SAMD4A: variants seen among roughly 807,000 people sequenced by gnomAD.
SAMD4A encodes protein Smaug homolog 1.
A neutral mutation model predicts 81.3 loss-of-function variants in SAMD4A; 33 were observed. The observed-to-expected ratio is 0.41, with a 90% confidence interval of 0.31 to 0.54. The LOEUF (loss-of-function observed/expected upper bound fraction) is 0.54, where lower values mean the gene tolerates loss of function less well. Ranked by LOEUF, SAMD4A falls within the 20% of genes least tolerant of loss-of-function variation. The pLI is 0.37. For missense variants in SAMD4A, 854 were observed against 951.1 expected (o/e 0.90, Z 1.34); for synonymous variants, 389 against 382.1 (o/e 1.02, Z -0.21).
At chr14:54,762,386 C>T (rs537641447) in intron 7 of SAMD4A, among the ~76,000 whole-genome samples, 95 of 152,284 alleles carry the variant, frequency 6.2e-4, no homozygotes, top group African/African-American at 2.2e-3. Context: ...CAACCCCCAC[C>T]CTTCCACCAC....
chr14:54,630,372 A>G (rs562350630), intron 2 of SAMD4A, among the ~76,000 whole-genome samples: 3 of 152,318 alleles, frequency 2.0e-5, no homozygotes, highest in South Asian at 4.1e-4. Flanking sequence ...AATAGTAGCC[A>G]TCCCAATGAA....
At chr14:54,718,967 C>T (rs1594854229) in intron 3 of SAMD4A, among the ~76,000 whole-genome samples, 2 of 150,594 alleles carry the variant, frequency 1.3e-5, no homozygotes, top group Non-Finnish European at 1.5e-5. Flanking sequence ...CATACCATTG[C>T]ACTCTAGCCT....
intron 2 of SAMD4A, among the ~76,000 whole-genome samples, chr14:54,626,069 CGCGCGCGAGT>C (rs1365693940): frequency 8.1e-5 from 9 of 110,780 alleles, no homozygotes; most frequent in African/African-American, 1.5e-4. Flanking sequence ...TGCGCGCGCG[CGCGCGCGAGT>C]GCGCACATGT....
chr14:54,624,004 G>A (rs1272660461), intron 2 of SAMD4A, among the ~76,000 whole-genome samples: 1 of 152,008 alleles, frequency 6.6e-6, no homozygotes, highest in Non-Finnish European at 1.5e-5. Context: ...TTGAGATGGA[G>A]TCTCACTCTT....
chr14:54,627,226 A>G (rs1415478121), intron 2 of SAMD4A, among the ~76,000 whole-genome samples: 1 of 152,176 alleles, frequency 6.6e-6, no homozygotes, highest in African/African-American at 2.4e-5. Flanking sequence ...GGTAAAAAGG[A>G]CAGAAAGTAA....
intron 2 of SAMD4A, among the ~76,000 whole-genome samples, chr14:54,605,431 A>C (rs1330424934): frequency 1.3e-5 from 2 of 152,222 alleles, no homozygotes; most frequent in Admixed American, 1.3e-4. Flanking sequence ...GAAGTTCCAA[A>C]GAGCCAAGAT....
intron 8 of SAMD4A, among the ~76,000 whole-genome samples, chr14:54,768,290 T>G (rs549653532): frequency 1.3e-5 from 2 of 152,326 alleles, no homozygotes; most frequent in African/African-American, 4.8e-5. Context: ...GTGTGACACC[T>G]GTGAGTGGCA....
At chr14:54,720,787 C>G (rs576965539) in intron 3 of SAMD4A, among the ~76,000 whole-genome samples, 1 of 152,216 alleles carries the variant, frequency 6.6e-6, no homozygotes, top group South Asian at 2.1e-4. Context: ...CCCCAAACCA[C>G]CAATTTCCAG....
At chr14:54,763,762 A>G (rs879894077) in intron 7 of SAMD4A, among the ~76,000 whole-genome samples, 1 of 152,122 alleles carries the variant, frequency 6.6e-6, no homozygotes, top group Non-Finnish European at 1.5e-5. Context: ...TCACCTCTAC[A>G]ATGAGACCAG....
chr14:54,755,184 AG>A (rs1174721565), intron 6 of SAMD4A, among the ~76,000 whole-genome samples: 1 of 152,138 alleles, frequency 6.6e-6, no homozygotes, highest in Admixed American at 6.5e-5. Context: ...GATCATTTAG[AG>A]GGAGTCTGGT....
intron 2 of SAMD4A, among the ~76,000 whole-genome samples, chr14:54,686,481 A>C (rs1375411505): frequency 1.3e-5 from 2 of 151,444 alleles, no homozygotes; most frequent in Non-Finnish European, 2.9e-5. Flanking sequence ...GCTGAATGTC[A>C]CTTACTTGGA....
intron 2 of SAMD4A, among the ~76,000 whole-genome samples, chr14:54,639,005 G>T (rs1237742399): frequency 3.9e-5 from 6 of 152,140 alleles, no homozygotes; most frequent in Admixed American, 1.3e-4. Flanking sequence ...TTAGGGCACA[G>T]AAACTCATTT....
intron 7 of SAMD4A, 24 bp from the exon 8 acceptor site, chr14:54,764,431 T>A: frequency 6.6e-7 from 1 of 1,524,138 alleles, no homozygotes. Flanking sequence ...ATTTTTCTAA[T>A]TCATCTTTTC....
intron 2 of SAMD4A, among the ~76,000 whole-genome samples, chr14:54,690,227 A>G (rs555033263): frequency 6.6e-6 from 1 of 152,168 alleles, no homozygotes; most frequent in South Asian, 2.1e-4. Context: ...TGAGGGCCCA[A>G]ATGGGTAAAT....
intron 2 of SAMD4A, among the ~76,000 whole-genome samples, chr14:54,696,636 CAAT>C (rs1307276611): frequency 2.6e-5 from 4 of 152,192 alleles, no homozygotes; most frequent in Non-Finnish European, 5.9e-5. Flanking sequence ...CATTGTGTAG[CAAT>C]AATACCAGAC....
At chr14:54,634,157 A>G (rs1342977187) in intron 2 of SAMD4A, among the ~76,000 whole-genome samples, 1 of 151,714 alleles carries the variant, frequency 6.6e-6, no homozygotes, top group Non-Finnish European at 1.5e-5. Flanking sequence ...ATGGTGGTGT[A>G]TGCCTGTAAT....
At chr14:54,597,555 G>A (rs912258711) in intron 2 of SAMD4A, among the ~76,000 whole-genome samples, 1 of 147,448 alleles carries the variant, frequency 6.8e-6, no homozygotes, top group Non-Finnish European at 1.5e-5. Flanking sequence ...ATTACAGTGT[G>A]AGCCACCGCA....
chr14:54,756,231 G>A (rs1008276774), intron 6 of SAMD4A, among the ~76,000 whole-genome samples: 2 of 152,142 alleles, frequency 1.3e-5, no homozygotes, highest in African/African-American at 4.8e-5. Flanking sequence ...AAGGTAATCA[G>A]GAGAGCTGCT....
At chr14:54,711,804 A>C (rs1383765841) in intron 3 of SAMD4A, among the ~76,000 whole-genome samples, 1 of 152,004 alleles carries the variant, frequency 6.6e-6, no homozygotes, top group African/African-American at 2.4e-5. Context: ...GTGGAGGACG[A>C]GTAGGAGTGA....
Sources: allele counts gnomAD v4.1 joint callset (sites outside exome capture counted in the v4.1 genomes callset), GRCh38; gene constraint gnomAD v4.1.1; transcripts MANE v1.5; gene names NCBI Gene and HGNC (gene_info 2026-07-23, HGNC 2026-07-21).